CTNNA3: variants seen among roughly 807,000 people sequenced by gnomAD.
CTNNA3 encodes the protein catenin alpha 3.
CTNNA3 carries 76 observed loss-of-function variants against 95.7 expected under a neutral mutation model. That is an observed-to-expected ratio of 0.79 (90% CI 0.66 to 0.96). The LOEUF (loss-of-function observed/expected upper bound fraction) is 0.96. CTNNA3 is among the 40% of genes least tolerant of loss of function. The probability of loss-of-function intolerance (pLI) is 0.00; values close to 1 mark genes in which losing one functional copy is unlikely to be tolerated. For synonymous variants in CTNNA3, 431 were observed against 374.4 expected, an observed-to-expected ratio of 1.15 and a Z score of -1.74; for missense variants, 1,191 against 1,089.8, an observed-to-expected ratio of 1.09 and a Z score of -1.31.
At chr10:66,623,359 G>T (rs149751075) in intron 9 of CTNNA3, among the ~76,000 whole-genome samples, 1 of 152,044 alleles carries the variant, frequency 6.6e-6, no homozygotes, top group African/African-American at 2.4e-5. Flanking sequence ...CTGGCCCTAT[G>T]TAGATACTTT....
intron 5 of CTNNA3, among the ~76,000 whole-genome samples, chr10:67,483,826 C>A (rs1848343695): frequency 7.7e-6 from 1 of 129,034 alleles, no homozygotes; most frequent in Non-Finnish European, 1.7e-5. Flanking sequence ...AAATCAGAGA[C>A]AACACAAACA....
At chr10:67,699,731 G>T (rs985859248), upstream of CTNNA3, among the ~76,000 whole-genome samples, 9 of 152,248 alleles carry the variant, frequency 5.9e-5, no homozygotes, top group African/African-American at 2.2e-4. Context: ...TCCATCTGAG[G>T]TACCAGGTTC....
In CTNNA3 at chr10:66,385,533, T is replaced by C. The variant is rs1194059870; in HGVS notation, c.1532-6181A>G. The stretch of plus-strand genomic sequence containing the variant: ...AGATACAAAGAGGAGCTGGTACCAT[T>C]CCTTCTGAAACTATTCCAATCAACA... On this transcript the variant is annotated intron_variant, in intron 11 of 17. Transcript: ENST00000433211. Among the ~76,000 whole-genome samples, 7 of 152,246 alleles carry C rather than the reference T, an allele frequency of 4.6e-5. No individual in the cohort carries two copies. The South Asian group carries it at 1.0e-3, about 23-fold the overall frequency.
chr10:66,744,752 C>T (rs1236466156), intron 9 of CTNNA3, among the ~76,000 whole-genome samples: 1 of 151,972 alleles, frequency 6.6e-6, no homozygotes, highest in Admixed American at 6.6e-5. Flanking sequence ...AAATGCTTAC[C>T]AAATGGCATA....
At chr10:66,541,107 A>G (rs530638114) in intron 10 of CTNNA3, among the ~76,000 whole-genome samples, 1 of 152,230 alleles carries the variant, frequency 6.6e-6, no homozygotes, top group African/African-American at 2.4e-5. Flanking sequence ...GTCTGCATCA[A>G]TTTGGTGATT....
At chr10:67,667,919 A>G (rs956318895) in intron 1 of CTNNA3, among the ~76,000 whole-genome samples, 1 of 152,216 alleles carries the variant, frequency 6.6e-6, no homozygotes, top group Non-Finnish European at 1.5e-5. Context: ...CCCACTATTC[A>G]GAATAAAACT....
chr10:66,715,402 T>C (rs916469002), intron 9 of CTNNA3, among the ~76,000 whole-genome samples: 2 of 152,064 alleles, frequency 1.3e-5, no homozygotes, highest in African/African-American at 4.8e-5. Context: ...TCCTAGATGT[T>C]GTCTCAATTG....
At chr10:66,456,953 G>A (rs1261609748) in intron 11 of CTNNA3, among the ~76,000 whole-genome samples, 2 of 151,974 alleles carry the variant, frequency 1.3e-5, no homozygotes, top group Non-Finnish European at 1.5e-5. Flanking sequence ...AATTAGCTGG[G>A]TGTGGTGGCA....
intron 13 of CTNNA3, among the ~76,000 whole-genome samples, chr10:66,211,986 T>TTA (rs2088189559): frequency 3.4e-5 from 3 of 88,376 alleles, no homozygotes; most frequent in Non-Finnish European, 7.0e-5. Context: ...TTTTTGGGTT[T>TTA]TTTTTTTTTT....
intron 7 of CTNNA3, among the ~76,000 whole-genome samples, chr10:67,014,468 T>C (rs1589604535): frequency 6.6e-6 from 1 of 152,308 alleles, no homozygotes; most frequent in Admixed American, 6.5e-5. Flanking sequence ...TTGTAACATA[T>C]GCATTCTTGA....
intron 15 of CTNNA3, among the ~76,000 whole-genome samples, chr10:66,064,422 G>A (rs773416392): frequency 6.6e-6 from 1 of 152,146 alleles, no homozygotes; most frequent in South Asian, 2.1e-4. Flanking sequence ...TTTCCTTGGT[G>A]ATCATTCTTT....
chr10:66,170,650 T>C (rs1365031689), intron 13 of CTNNA3, among the ~76,000 whole-genome samples: 2 of 149,464 alleles, frequency 1.3e-5, no homozygotes, highest in East Asian at 2.0e-4. Context: ...AGGCACCAAG[T>C]AGGGAAAACT....
At chr10:67,755,189 TC>T (rs1841426309) in intron 1 of CTNNA3, among the ~76,000 whole-genome samples, 1 of 148,834 alleles carries the variant, frequency 6.7e-6, no homozygotes, top group South Asian at 2.1e-4. Context: ...TGAGACCTTA[TC>T]TTTAAAAAAA....
chr10:67,395,727 G>A (rs566164016), intron 5 of CTNNA3, among the ~76,000 whole-genome samples: 1 of 152,262 alleles, frequency 6.6e-6, no homozygotes, highest in Admixed American at 6.5e-5. Flanking sequence ...TATTCTAAAT[G>A]ATGACATTAC....
At chr10:66,016,385 CG>C (rs528625393) in intron 15 of CTNNA3, among the ~76,000 whole-genome samples, 22,748 of 152,206 alleles carry the variant, frequency 0.15, 2,192 homozygotes, top group Non-Finnish European at 0.22. Context: ...GGAAGAAAGA[CG>C]ATTCTTCCCT....
chr10:67,040,177 C>T lies in CTNNA3; in HGVS notation c.1047+140140G>A, dbSNP rs1854303909. ...CATGTTAAGTGAAGGGAAACAAGCT[C>T]TAATGGTGCCCTTTAATGTTCTGAA... On this transcript the variant is annotated intron_variant, in intron 7 of 17. Transcript: ENST00000433211. 3.3e-5 allele frequency among the ~76,000 whole-genome samples: 5 copies of T among 152,122 alleles called. No individual in the cohort carries two copies. The South Asian group carries it at 8.3e-4, about 25-fold the overall frequency.
intron 9 of CTNNA3, among the ~76,000 whole-genome samples, chr10:66,718,943 T>C (rs1331908842): frequency 1.3e-5 from 2 of 152,128 alleles, no homozygotes; most frequent in Non-Finnish European, 1.5e-5. Context: ...ACATAGAAAG[T>C]CTGTGTGTGG....
intron 5 of CTNNA3, among the ~76,000 whole-genome samples, chr10:67,398,647 G>A (rs1166367222): frequency 6.6e-6 from 1 of 152,098 alleles, no homozygotes; most frequent in Non-Finnish European, 1.5e-5. Context: ...GAATGATATG[G>A]TTTGGCTGTG....
chr10:67,495,568 T>C (rs1838998851), intron 5 of CTNNA3, among the ~76,000 whole-genome samples: 1 of 152,088 alleles, frequency 6.6e-6, no homozygotes. Context: ...AAACAAACCA[T>C]GTCTAAGTTT....
Sources: allele counts gnomAD v4.1 joint callset (sites outside exome capture counted in the v4.1 genomes callset), GRCh38; gene constraint gnomAD v4.1.1; transcripts MANE v1.5; gene names NCBI Gene and HGNC (gene_info 2026-07-23, HGNC 2026-07-21).